The following OPCML variants were observed in gnomAD, a reference collection of about 807,000 sequenced individuals.
OPCML encodes opioid binding protein/cell adhesion molecule like.
Under a neutral mutation model 37.8 loss-of-function variants are expected in OPCML, and 13 were observed. The ratio of observed to expected loss-of-function variants is 0.34; its 90% confidence interval spans 0.22 to 0.55. The LOEUF is 0.55. Among genes scored for constraint, OPCML ranks in the 20% least tolerant of loss-of-function variants. The pLI, the probability that OPCML is intolerant of heterozygous loss-of-function variation, is 0.91. For missense variants in OPCML, 341 were observed against 435.6 expected (o/e 0.78, Z 1.93); for synonymous variants, 176 against 168.8 (o/e 1.04, Z -0.33).
At chr11:133,082,712 C>G (rs1273737705) in intron 1 of OPCML, among the ~76,000 whole-genome samples, 2 of 140,892 alleles carry the variant, frequency 1.4e-5, no homozygotes, top group Non-Finnish European at 3.1e-5. Flanking sequence ...GGGCTCAAGG[C>G]CCCTCTGGAG....
intron 2 of OPCML, among the ~76,000 whole-genome samples, chr11:132,725,272 T>C (rs1944835805): frequency 6.6e-6 from 1 of 152,224 alleles, no homozygotes; most frequent in Non-Finnish European, 1.5e-5. Flanking sequence ...ATGTGGAAGC[T>C]GCCAAGACTT....
intron 1 of OPCML, among the ~76,000 whole-genome samples, chr11:133,382,736 C>T (rs115428533): frequency 1.7e-3 from 261 of 152,252 alleles, no homozygotes; most frequent in African/African-American, 6.1e-3. Context: ...GGCTTTTCCT[C>T]CCATCTATCT....
In OPCML at chr11:133,173,510, A is replaced by G. The variant is rs1950316292; in HGVS notation, c.62-230500T>C. ...AATCTACAGCAGAGTGTCCCCAACAATCTTTTCTCTATAAGGAATTGTTGC... is the reference window on the plus strand; with the variant it reads ...AATCTACAGCAGAGTGTCCCCAACAGTCTTTTCTCTATAAGGAATTGTTGC... On this transcript the variant is annotated intron_variant, in intron 1 of 7. Transcript: ENST00000524381. The surrounding 1 kb of genome is among the most constrained non-coding windows in gnomAD (Gnocchi z 7.8). Among the ~76,000 whole-genome samples the G allele has an allele frequency of 6.6e-6, 1 of 152,126 alleles. No homozygotes were observed. The highest frequency in any genetic ancestry group is 6.5e-5 in the Admixed American group (1 of 15,270).
chr11:133,101,279 T>C (rs539785644), intron 1 of OPCML, among the ~76,000 whole-genome samples: 75 of 152,240 alleles, frequency 4.9e-4, no homozygotes, highest in Middle Eastern at 3.4e-3. Context: ...AAAGAAATAA[T>C]TGATAAGCTA....
chr11:132,947,410 G>A (rs980110158), intron 1 of OPCML, among the ~76,000 whole-genome samples: 40 of 152,306 alleles, frequency 2.6e-4, no homozygotes, highest in African/African-American at 9.6e-4. Context: ...CTAAGGAAGA[G>A]GGCCTGTGTC....
At chr11:133,025,584 T>G (rs1018596007) in intron 1 of OPCML, 23 of 508,430 alleles carry the variant, frequency 4.5e-5, no homozygotes, top group African/African-American at 4.4e-4. Flanking sequence ...TTCTTATTAT[T>G]TTAATTTCAT....
At chr11:132,885,353 C>G (rs1943370108) in intron 2 of OPCML, among the ~76,000 whole-genome samples, 1 of 152,198 alleles carries the variant, frequency 6.6e-6, no homozygotes, top group South Asian at 2.1e-4. Context: ...AATCACCATT[C>G]TCTTTGGGTG....
chr11:132,428,499 C>T (rs922312969), intron 7 of OPCML, among the ~76,000 whole-genome samples: 4 of 152,184 alleles, frequency 2.6e-5, no homozygotes, highest in African/African-American at 9.7e-5. Flanking sequence ...ATTGATTCTT[C>T]AGCGGAGCTC....
chr11:133,523,035 G>A (rs953169814), intron 1 of OPCML, among the ~76,000 whole-genome samples: 5 of 152,046 alleles, frequency 3.3e-5, no homozygotes, highest in Admixed American at 3.3e-4. Flanking sequence ...TCCAATTAGC[G>A]CTTTTCTAAA....
intron 1 of OPCML, among the ~76,000 whole-genome samples, chr11:133,463,906 T>C (rs111842261): frequency 5.6e-4 from 85 of 152,220 alleles, no homozygotes; most frequent in African/African-American, 2.0e-3. Context: ...TGGTTGGCAA[T>C]TGACCCGGGC....
chr11:133,191,115 T>G (rs1476515246), intron 1 of OPCML, among the ~76,000 whole-genome samples: 1 of 152,214 alleles, frequency 6.6e-6, no homozygotes, highest in Non-Finnish European at 1.5e-5. Context: ...ATACGAGGTT[T>G]CCAGTTTCTC....
At chr11:133,023,568 T>TA (rs1338227522) in intron 1 of OPCML, among the ~76,000 whole-genome samples, 1 of 152,172 alleles carries the variant, frequency 6.6e-6, no homozygotes, top group Non-Finnish European at 1.5e-5. Flanking sequence ...TAACTGGTTT[T>TA]AAAAAATAGA....
chr11:133,508,987 TA>T (rs1467263785), intron 1 of OPCML, among the ~76,000 whole-genome samples: 1 of 151,772 alleles, frequency 6.6e-6, no homozygotes, highest in Non-Finnish European at 1.5e-5. Flanking sequence ...TTTTTTTTTT[TA>T]AATTTAAATT....
At chr11:133,298,445 G>C (rs943997662) in intron 1 of OPCML, 2 of 152,092 alleles carry the variant, frequency 1.3e-5, no homozygotes, top group Non-Finnish European at 2.9e-5. Context: ...CTGGCATGTA[G>C]AAAACTCCAT....
At chr11:132,521,464 A>G (rs1284075962) in intron 4 of OPCML, among the ~76,000 whole-genome samples, 1 of 152,194 alleles carries the variant, frequency 6.6e-6, no homozygotes, top group Non-Finnish European at 1.5e-5. Context: ...GCAGCCATAA[A>G]AAAGAATGAG....
intron 1 of OPCML, among the ~76,000 whole-genome samples, chr11:133,061,805 A>C (rs1465993209): frequency 6.6e-6 from 1 of 151,832 alleles, no homozygotes; most frequent in Non-Finnish European, 1.5e-5. Flanking sequence ...CTTTTCCGCA[A>C]GTCAGATTAG....
At position 132,525,005 on chromosome 11, in the gene OPCML, G is replaced by T. The variant is rs144848566; in HGVS notation, c.505+4056C>A. On this transcript the variant is annotated intron_variant, in intron 4 of 7. Coordinates refer to ENST00000524381, the MANE Select transcript of OPCML (RefSeq NM_001012393.5). ...CTACCCAGACTCCTCTCATTCCCTT[G>T]CCTCCTCCCACTCCAATCAACTTTA... is the stretch of plus-strand genomic sequence containing the variant. 1.6e-3 allele frequency among the ~76,000 whole-genome samples: 237 copies of T among 152,242 alleles called. 1 individual carries two copies. Among genetic ancestry groups the T allele is most frequent in the Non-Finnish European group, 2.2e-3 (153 of 68,018 alleles).
At chr11:132,813,470 T>A (rs917859057) in intron 2 of OPCML, among the ~76,000 whole-genome samples, 2 of 152,216 alleles carry the variant, frequency 1.3e-5, no homozygotes, top group African/African-American at 2.4e-5. Context: ...TACTGCATGA[T>A]GGACACTACC....
At chr11:133,398,837 C>CA (rs144803758) in intron 1 of OPCML, among the ~76,000 whole-genome samples, 3,983 of 152,228 alleles carry the variant, frequency 0.026, 169 homozygotes, top group African/African-American at 0.088. Context: ...GCCAGGGTCC[C>CA]ATGCCTCACC....
Sources: allele counts gnomAD v4.1 joint callset (sites outside exome capture counted in the v4.1 genomes callset), GRCh38; gene constraint gnomAD v4.1.1; non-coding constraint Gnocchi (gnomAD v3.1); transcripts MANE v1.5; gene names NCBI Gene and HGNC (gene_info 2026-07-23, HGNC 2026-07-21).